The following SERINC2 variants were observed in gnomAD, a reference collection of about 807,000 sequenced individuals.
SERINC2 encodes the protein tumor differentially expressed protein 2.
Under a neutral mutation model 54.2 loss-of-function variants are expected in SERINC2, and 56 were observed. The observed-to-expected ratio is 1.03, with a 90% confidence interval of 0.83 to 1.29. The LOEUF (loss-of-function observed/expected upper bound fraction) is 1.29, where lower values mean the gene tolerates loss of function less well. Ranked by LOEUF, SERINC2 falls within the 50% of genes most tolerant of loss-of-function variation. The pLI is 0.00. For missense variants in SERINC2, 614 were observed against 607.4 expected (o/e 1.01, Z -0.12); for synonymous variants, 272 against 253.1 (o/e 1.07, Z -0.71).
At chr1:31,423,404 C>T (rs1037041606) in intron 1 of SERINC2, among the ~76,000 whole-genome samples, 2 of 152,040 alleles carry the variant, frequency 1.3e-5, no homozygotes, top group Non-Finnish European at 2.9e-5. Context: ...TTAAACTACT[C>T]TCCCTCCCTG....
chr1:31,422,666 A>T (rs1640931152), intron 1 of SERINC2, among the ~76,000 whole-genome samples: 1 of 152,170 alleles, frequency 6.6e-6, no homozygotes, highest in African/African-American at 2.4e-5. Context: ...GTTGCTCTCC[A>T]GGCTCTTAAA....
chr1:31,434,103 C>A lies in SERINC2; in HGVS notation c.1272C>A (p.Ala424=). The change falls in exon 10 of 10, where the codon GCC becomes GCA. Residue 424 remains alanine (A), a synonymous_variant. Coordinates refer to ENST00000373709, the MANE Select transcript of SERINC2 (RefSeq NM_178865.5). ...ETRKMISTWT[A]VWVKICASWA... is the part of the protein sequence containing the mutation. ...GGAAGATGATCAGCACGTGGACCGCCGTGTGGGTGAAGATCTGTGCCAGCT... is the reference window on the plus strand; with the variant it reads ...GGAAGATGATCAGCACGTGGACCGCAGTGTGGGTGAAGATCTGTGCCAGCT... 6.2e-7 allele frequency: 1 copy of A among 1,614,032 alleles called. No individual in the cohort carries two copies. Among genetic ancestry groups the A allele is most frequent in the Non-Finnish European group, 8.5e-7 (1 of 1,179,970 alleles).
intron 6 of SERINC2, among the ~76,000 whole-genome samples, chr1:31,428,761 T>G (rs1641110693): frequency 6.6e-6 from 1 of 151,950 alleles, no homozygotes; most frequent in African/African-American, 2.4e-5. Flanking sequence ...GGAGGGCAAG[T>G]AATCTGAGGG....
At chr1:31,432,159 G>A (rs1480006363) in intron 8 of SERINC2, among the ~76,000 whole-genome samples, 1 of 137,428 alleles carries the variant, frequency 7.3e-6, no homozygotes, top group African/African-American at 2.8e-5. Flanking sequence ...GGGTGGACAG[G>A]GTGGATAGGG....
chr1:31,426,547 A>C (rs1641046487), intron 5 of SERINC2, 107 bp from the exon 6 acceptor site: 3 of 850,116 alleles, frequency 3.5e-6, no homozygotes, highest in Non-Finnish European at 5.5e-6. Flanking sequence ...GGGGAAACTG[A>C]GAGCTGGAGA....
At chr1:31,412,536 G>C (rs1640668627), upstream of SERINC2, among the ~76,000 whole-genome samples, 1 of 152,148 alleles carries the variant, frequency 6.6e-6, no homozygotes, top group Non-Finnish European at 1.5e-5. Flanking sequence ...GGGCATGGTG[G>C]CATGCACCTG....
At chr1:31,428,854 T>C (rs1641113879) in intron 6 of SERINC2, 124 bp from the exon 7 acceptor site, 1 of 681,682 alleles carries the variant, frequency 1.5e-6, no homozygotes, top group Non-Finnish European at 2.5e-6. Context: ...TTTCCCTAAG[T>C]GGGGTGTGGT....
At chr1:31,427,366 G>A (rs1019896651) in intron 6 of SERINC2, among the ~76,000 whole-genome samples, 12 of 152,168 alleles carry the variant, frequency 7.9e-5, no homozygotes, top group Admixed American at 3.9e-4. Flanking sequence ...GTACAGTGGT[G>A]CTTTGTGGTT....
rs781804491 is a variant in SERINC2, at chr1:31,434,100, C to T, written c.1269C>T (p.Thr423=). The T allele has an allele frequency of 1.2e-5, 19 of 1,613,866 alleles. No homozygotes were observed. Among genetic ancestry groups the T allele is most frequent in the East Asian group, 4.5e-5 (2 of 44,880 alleles). The change falls in exon 10 of 10, where the codon ACC becomes ACT. Residue 423 remains threonine, a synonymous_variant. Transcript: ENST00000373709. ...GETRKMISTW[T]AVWVKICASW... is the part of the protein sequence containing the mutation. ...CCCGGAAGATGATCAGCACGTGGAC[C>T]GCCGTGTGGGTGAAGATCTGTGCCA...
intron 4 of SERINC2, 34 bp downstream of exon 4, chr1:31,425,443 T>C: frequency 6.8e-7 from 1 of 1,471,036 alleles, no homozygotes; most frequent in African/African-American, 1.4e-5. Flanking sequence ...TGGGGGGCTG[T>C]GGGGAGGGAA....
At chr1:31,410,931 T>C (rs1317484413), upstream of SERINC2, among the ~76,000 whole-genome samples, 1 of 152,218 alleles carries the variant, frequency 6.6e-6, no homozygotes, top group Non-Finnish European at 1.5e-5. Context: ...CACTTGAGAC[T>C]GCTTGGTGGC....
chr1:31,431,773 G>A (rs1553134502), intron 8 of SERINC2, among the ~76,000 whole-genome samples: 2 of 139,870 alleles, frequency 1.4e-5, no homozygotes, highest in South Asian at 2.2e-4. Context: ...GGTGGAGAGG[G>A]TGAATAGGGT....
intron 8 of SERINC2, among the ~76,000 whole-genome samples, chr1:31,432,194 G>A (rs572403235): frequency 7.0e-6 from 1 of 142,756 alleles, no homozygotes; most frequent in African/African-American, 2.6e-5. Flanking sequence ...AGGGTGGTTA[G>A]AGTGGAGAGA....
At chr1:31,410,545 G>T, upstream of SERINC2, 1 of 1,483,838 alleles carries the variant, frequency 6.7e-7, no homozygotes, top group Non-Finnish European at 9.0e-7. Flanking sequence ...GAAAATTTTA[G>T]CCTGAAGTCA....
At chr1:31,414,133 T>G (rs1293320950) in intron 1 of SERINC2, 1 of 1,424,322 alleles carries the variant, frequency 7.0e-7, no homozygotes, top group African/African-American at 1.5e-5. Context: ...GAGGTTCGGG[T>G]GTGCGCGGGG....
intron 1 of SERINC2, 42 bp from the exon 2 acceptor site, chr1:31,423,651 G>T (rs1640954014): frequency 1.3e-5 from 20 of 1,590,948 alleles, no homozygotes; most frequent in Non-Finnish European, 1.7e-5. Flanking sequence ...GCGCGCTTGG[G>T]CGGTGAAGGG....
intron 1 of SERINC2, among the ~76,000 whole-genome samples, chr1:31,418,480 A>G (rs902397606): frequency 6.6e-6 from 1 of 152,130 alleles, no homozygotes; most frequent in Non-Finnish European, 1.5e-5. Context: ...GGTTCAAGCG[A>G]GTCTGCTGCC....
chr1:31,423,600 G>T, intron 1 of SERINC2, 93 bp from the exon 2 acceptor site: 1 of 1,332,926 alleles, frequency 7.5e-7, no homozygotes, highest in Non-Finnish European at 1.0e-6. Flanking sequence ...CCTGCCTAGC[G>T]CAGCACAGAT....
rs573382740 is a variant in SERINC2 at position 31,416,728 on chromosome 1, T to C, written c.39+3424T>C. Among the ~76,000 whole-genome samples, 15 of 151,964 alleles carry C rather than the reference T, an allele frequency of 9.9e-5. No individual in the cohort carries two copies. The East Asian group carries it at 1.8e-3, about 18-fold the overall frequency. ...GTTATTTCATTTTATTTTATTTTAC[T>C]TTATTTTTTTGAGATGAAGTCTTGC... On this transcript the variant is annotated intron_variant, in intron 1 of 9. Coordinates refer to ENST00000373709, the MANE Select transcript of SERINC2 (RefSeq NM_178865.5).
Sources: gnomAD v4.1 joint callset for allele counts (sites outside exome capture counted in the v4.1 genomes callset) on GRCh38, gnomAD v4.1.1 for gene constraint, MANE v1.5 for transcripts, NCBI Gene and HGNC (gene_info 2026-07-23, HGNC 2026-07-21) for gene names.